The following PKHD1 variants were observed in gnomAD, a reference collection of about 807,000 sequenced individuals.
PKHD1 encodes the protein fibrocystin.
In PKHD1, 291 loss-of-function variants were observed where a neutral mutation model predicts 412.0. The ratio of observed to expected loss-of-function variants is 0.71; its 90% CI spans 0.64 to 0.78. PKHD1 has a LOEUF of 0.78. PKHD1 is among the 30% of genes least tolerant of loss of function. The pLI, the probability that PKHD1 is intolerant of heterozygous loss-of-function variation, is 0.00. For synonymous variants in PKHD1, 1,777 were observed against 1,821.5 expected, an observed-to-expected ratio of 0.98 and a Z score of 0.62; for missense variants, 4,825 against 4,950.7, an observed-to-expected ratio of 0.97 and a Z score of 0.76.
chr6:51,979,043 A>G (rs1020987585), intron 35 of PKHD1, among the ~76,000 whole-genome samples: 2 of 152,204 alleles, frequency 1.3e-5, no homozygotes, highest in African/African-American at 4.8e-5. Flanking sequence ...CCAAACACCA[A>G]AAATAGAATC....
Position 52,054,472 on chromosome 6 carries a change from C to T in PKHD1, c.1837-307G>A, listed in dbSNP as rs904644324. On this transcript the variant is annotated intron_variant, in intron 19 of 66. Coordinates refer to ENST00000371117, the MANE Select transcript of PKHD1 (RefSeq NM_138694.4). ...GCAGTGAGGATTTTAGAGTATCTCA[C>T]TTAAGAAAACCCCTGTTCTAACCCA... 7.9e-5 allele frequency among the ~76,000 whole-genome samples: 12 copies of T among 152,314 alleles called. No homozygotes were observed. In the South Asian group the frequency reaches 2.3e-3, roughly 29 times the overall value.
At chr6:52,072,018 T>C (rs1810682441) in intron 8 of PKHD1, 97 bp downstream of exon 8, 2 of 792,550 alleles carry the variant, frequency 2.5e-6, no homozygotes. Context: ...AACAGATATA[T>C]GGTGAGTGGG....
intron 60 of PKHD1, among the ~76,000 whole-genome samples, chr6:51,668,842 T>C (rs888796842): frequency 2.6e-5 from 4 of 152,238 alleles, no homozygotes; most frequent in Non-Finnish European, 5.9e-5. Flanking sequence ...ATATGCTGGA[T>C]TACATTTATT....
intron 11 of PKHD1, among the ~76,000 whole-genome samples, chr6:52,069,252 T>C (rs1204538691): frequency 2.6e-5 from 4 of 152,256 alleles, no homozygotes; most frequent in Non-Finnish European, 5.9e-5. Flanking sequence ...TATAGAAGTT[T>C]ATTATCAAGT....
chr6:51,791,399 G>C (rs781579631), intron 52 of PKHD1, 26 bp from the exon 53 acceptor site: 2 of 1,609,950 alleles, frequency 1.2e-6, no homozygotes, highest in Non-Finnish European at 1.7e-6. Flanking sequence ...AAATTGCTCA[G>C]ATATGTCACA....
At chr6:52,011,926 G>A (rs1799882172) in intron 34 of PKHD1, among the ~76,000 whole-genome samples, 1 of 152,160 alleles carries the variant, frequency 6.6e-6, no homozygotes, top group South Asian at 2.1e-4. Context: ...CCTTCTCACG[G>A]TACCTGATAC....
chr6:51,937,375 G>C (rs2127783988), intron 36 of PKHD1, among the ~76,000 whole-genome samples: 1 of 152,270 alleles, frequency 6.6e-6, no homozygotes, highest in South Asian at 2.1e-4. Flanking sequence ...TCTTAAGACT[G>C]TGCCCCAGGC....
intron 35 of PKHD1, among the ~76,000 whole-genome samples, chr6:51,969,796 T>C (rs1205515501): frequency 6.6e-6 from 1 of 152,180 alleles, no homozygotes; most frequent in African/African-American, 2.4e-5. Context: ...CACATATATA[T>C]ATAAATACAT....
At chr6:51,706,002 G>A (rs1397259019) in intron 60 of PKHD1, among the ~76,000 whole-genome samples, 4 of 151,952 alleles carry the variant, frequency 2.6e-5, no homozygotes, top group Admixed American at 1.3e-4. Flanking sequence ...AAGTCTATTC[G>A]GTGATACAGA....
At chr6:52,048,942 C>A (rs1476751851) in intron 22 of PKHD1, among the ~76,000 whole-genome samples, 1 of 152,140 alleles carries the variant, frequency 6.6e-6, no homozygotes, top group Non-Finnish European at 1.5e-5. Context: ...CCCAGAGGAC[C>A]ATGGAACAAA....
intron 57 of PKHD1, among the ~76,000 whole-genome samples, chr6:51,750,252 T>G (rs1204073404): frequency 6.6e-6 from 1 of 152,142 alleles, no homozygotes; most frequent in African/African-American, 2.4e-5. Context: ...TGTGGACATA[T>G]TCACAGAACA....
chr6:51,906,080 T>A, intron 41 of PKHD1, 135 bp downstream of exon 41: 1 of 743,072 alleles, frequency 1.3e-6, no homozygotes. Flanking sequence ...TTAGAATGTT[T>A]TACTGTAGCC....
intron 9 of PKHD1, 66 bp downstream of exon 9, chr6:52,070,940 G>T (rs916234721): frequency 2.1e-6 from 2 of 947,392 alleles, no homozygotes; most frequent in African/African-American, 1.6e-5. Context: ...TCTTGCAATT[G>T]CTTTTGTCCG....
At chr6:51,807,961 G>A (rs1245659903) in intron 52 of PKHD1, among the ~76,000 whole-genome samples, 1 of 151,980 alleles carries the variant, frequency 6.6e-6, no homozygotes, top group East Asian at 1.9e-4. Flanking sequence ...GGGTTTCTTT[G>A]GGGGGTAATC....
intron 60 of PKHD1, among the ~76,000 whole-genome samples, chr6:51,671,571 C>CT (rs1774983855): frequency 6.6e-6 from 1 of 152,202 alleles, no homozygotes. Context: ...CTCCGTCCAG[C>CT]TTTGTTCCAT....
At chr6:52,067,985 T>C (rs1309961929) in intron 11 of PKHD1, among the ~76,000 whole-genome samples, 1 of 151,742 alleles carries the variant, frequency 6.6e-6, no homozygotes, top group African/African-American at 2.4e-5. Flanking sequence ...GGTGATGGGG[T>C]CCAGAAATGG....
chr6:51,960,864 GT>G (rs1791925410), intron 35 of PKHD1, among the ~76,000 whole-genome samples: 1 of 152,112 alleles, frequency 6.6e-6, no homozygotes, highest in African/African-American at 2.4e-5. Context: ...GATGTCATAC[GT>G]TTTTTAAAAC....
In PKHD1 at chr6:51,773,103, C is replaced by T. The variant is rs188346362; in HGVS notation, c.8555-314G>A. On this transcript the variant is annotated intron_variant, in intron 54 of 66. Transcript: ENST00000371117. ...GAAGAGGTACTCCTTTCCACTCTTACGTGACTCCAAACCATTTGCAATTCT... is the reference window on the plus strand; with the variant it reads ...GAAGAGGTACTCCTTTCCACTCTTATGTGACTCCAAACCATTTGCAATTCT... 1.0e-3 allele frequency among the ~76,000 whole-genome samples: 154 copies of T among 152,102 alleles called. 3 individuals are homozygous for T. Among genetic ancestry groups the T allele is most frequent in the Admixed American group, 9.3e-3 (142 of 15,250 alleles).
At chr6:51,648,995 G>A in intron 62 of PKHD1, 90 bp downstream of exon 62, 1 of 1,267,052 alleles carries the variant, frequency 7.9e-7, no homozygotes. Flanking sequence ...CTCTGTAAAT[G>A]TGTATCAATG....
Sources: allele counts gnomAD v4.1 joint callset (sites outside exome capture counted in the v4.1 genomes callset), GRCh38; gene constraint gnomAD v4.1.1; transcripts MANE v1.5; gene names NCBI Gene and HGNC (gene_info 2026-07-23, HGNC 2026-07-21).